ITCH: variants seen among roughly 807,000 people sequenced by gnomAD.
ITCH encodes E3 ubiquitin-protein ligase Itchy homolog.
ITCH carries 28 observed loss-of-function variants against 126.8 expected under a neutral mutation model. That is an observed-to-expected ratio of 0.22 (90% CI 0.16 to 0.30). The LOEUF (loss-of-function observed/expected upper bound fraction) is 0.30. Ranked by LOEUF, ITCH falls within the 10% of genes least tolerant of loss-of-function variation. ITCH has a pLI of 1.00. For missense variants in ITCH, 631 were observed against 1,032.4 expected (o/e 0.61, Z 5.33); for synonymous variants, 342 against 340.0 (o/e 1.01, Z -0.06).
intron 3 of ITCH, among the ~76,000 whole-genome samples, chr20:34,401,837 C>T (rs2038897156): frequency 6.6e-6 from 1 of 152,046 alleles, no homozygotes; most frequent in African/African-American, 2.4e-5. Flanking sequence ...TAGTCTGTTA[C>T]AGAGTCATCC....
intron 12 of ITCH, among the ~76,000 whole-genome samples, chr20:34,453,028 G>C (rs895132067): frequency 6.6e-6 from 1 of 152,114 alleles, no homozygotes; most frequent in African/African-American, 2.4e-5. Flanking sequence ...GTTTTTTACT[G>C]TTTTATTCAT....
intron 1 of ITCH, among the ~76,000 whole-genome samples, chr20:34,364,607 T>G (rs1277924018): frequency 6.6e-6 from 1 of 151,260 alleles, no homozygotes; most frequent in Non-Finnish European, 1.5e-5. Context: ...CCGGGTGCTG[T>G]GTGTGGCTCA....
chr20:34,363,289 G>C lies in ITCH; in HGVS notation c.-159G>C, dbSNP rs2037266585. ...ACTCGCTCTAGTAGCTGTGGTCGGG[G>C]CTCGGGACCGGCTGCCATCTTAGTC... On this transcript the variant is annotated 5_prime_UTR_variant, in exon 1 of 25. Transcript: ENST00000374864. 1 of 152,634 alleles carries C rather than the reference G, an allele frequency of 6.6e-6. No individual in the cohort carries two copies. Among genetic ancestry groups the C allele is most frequent in the African/African-American group, 2.4e-5 (1 of 41,472 alleles). The allele number at this position is 152,634 out of a possible 1,614,324, so 9.5% of individuals were successfully genotyped here.
Position 34,510,443 on chromosome 20 carries a change from ATTTTTTTTTTTT to A in ITCH, c.*2665_*2676del, listed in dbSNP as rs10598635. 1.3e-4 allele frequency: 8 copies of A among 63,226 alleles called. No individual in the cohort carries two copies. The highest frequency in any genetic ancestry group is 1.9e-4 in the Non-Finnish European group (7 of 36,452). 3.9% of individuals were successfully genotyped at this position (63,226 alleles called of 1,614,324 possible). A position where few individuals can be genotyped will look rare whatever the true frequency, so the allele number is the denominator to read the frequency against. ...TTGTAAATGCTAATAAATCCTGTTA[ATTTTTTTTTTTT>A]TTTTTTTTTTTTTTTACTGCATGTT... On this transcript the variant is annotated 3_prime_UTR_variant, in exon 25 of 25. Coordinates refer to ENST00000374864, the MANE Select transcript of ITCH (RefSeq NM_031483.7).
At chr20:34,428,900 G>C (rs1326666393) in intron 7 of ITCH, among the ~76,000 whole-genome samples, 1 of 152,200 alleles carries the variant, frequency 6.6e-6, no homozygotes, top group East Asian at 1.9e-4. Context: ...GGGGAACAAA[G>C]TTATAGTAGC....
chr20:34,490,751 C>T (rs1989452490), intron 22 of ITCH, among the ~76,000 whole-genome samples: 1 of 152,100 alleles, frequency 6.6e-6, no homozygotes. Context: ...TGTGAAATAC[C>T]ACACCACTGT....
chr20:34,470,947 A>G (rs920634016), intron 15 of ITCH, among the ~76,000 whole-genome samples: 2 of 152,346 alleles, frequency 1.3e-5, no homozygotes, highest in Non-Finnish European at 2.9e-5. Context: ...ACATGTTCAT[A>G]CATACATGAA....
chr20:34,380,731 A>G (rs2038028586), intron 2 of ITCH, among the ~76,000 whole-genome samples: 1 of 149,796 alleles, frequency 6.7e-6, no homozygotes, highest in Admixed American at 6.8e-5. Context: ...GATTACAGGC[A>G]TGAGCCACCG....
At chr20:34,499,934 C>G (rs1414697746) in intron 23 of ITCH, among the ~76,000 whole-genome samples, 1 of 151,834 alleles carries the variant, frequency 6.6e-6, no homozygotes, top group African/African-American at 2.4e-5. Context: ...TTTACATTTC[C>G]CCATTGGTCA....
Position 34,490,442 on chromosome 20 carries a change from G to A in ITCH, c.2319+516G>A, listed in dbSNP as rs148689756. 7.9e-3 allele frequency among the ~76,000 whole-genome samples: 1,199 copies of A among 152,154 alleles called. 15 individuals carry two copies. The highest frequency in any genetic ancestry group is 0.027 in the African/African-American group (1,141 of 41,522). ...TCCCAGCACTTTGGGAGGCTGAGGC[G>A]GGTGGATCACGACATCAGGAGATCA... is the stretch of plus-strand genomic sequence containing the variant. On this transcript the variant is annotated intron_variant, in intron 22 of 24. Coordinates refer to ENST00000374864, the MANE Select transcript of ITCH (RefSeq NM_031483.7).
intron 7 of ITCH, among the ~76,000 whole-genome samples, chr20:34,430,387 G>A (rs1405288422): frequency 6.6e-6 from 1 of 152,058 alleles, no homozygotes; most frequent in African/African-American, 2.4e-5. Flanking sequence ...AGATAGGTTG[G>A]GACCAGATGG....
At position 34,438,644 on chromosome 20, in the gene ITCH, G is replaced by A. The variant is rs770863146; in HGVS notation, c.679+13G>A. 6.2e-7 allele frequency: 1 copy of A among 1,613,448 alleles called. No individual in the cohort carries two copies. The highest frequency in any genetic ancestry group is 1.1e-5 in the South Asian group (1 of 91,048). ...CCACGTAGACCAGGTTTGTATTCCAGCTCTCAATACTCTTGGAAATAATGT... is the reference window on the plus strand; with the variant it reads ...CCACGTAGACCAGGTTTGTATTCCAACTCTCAATACTCTTGGAAATAATGT... On this transcript the variant is annotated intron_variant, in intron 8 of 24. Coordinates refer to ENST00000374864, the MANE Select transcript of ITCH (RefSeq NM_031483.7).
chr20:34,399,563 G>A (rs762535655), intron 3 of ITCH, among the ~76,000 whole-genome samples: 2 of 151,932 alleles, frequency 1.3e-5, no homozygotes, highest in Non-Finnish European at 2.9e-5. Flanking sequence ...AGGGTTGGCC[G>A]GGCATGGTGG....
intron 12 of ITCH, among the ~76,000 whole-genome samples, chr20:34,453,867 G>A (rs1985548593): frequency 6.6e-6 from 1 of 151,568 alleles, no homozygotes; most frequent in African/African-American, 2.4e-5. Flanking sequence ...GGTGGTGGAC[G>A]TCTGTAGTAC....
intron 7 of ITCH, among the ~76,000 whole-genome samples, chr20:34,438,190 C>A (rs1983266562): frequency 6.6e-6 from 1 of 152,158 alleles, no homozygotes; most frequent in Non-Finnish European, 1.5e-5. Flanking sequence ...CTTCTGAAGG[C>A]TTATTTGAAA....
intron 23 of ITCH, among the ~76,000 whole-genome samples, chr20:34,493,217 C>T (rs1211519666): frequency 6.6e-6 from 1 of 152,028 alleles, no homozygotes; most frequent in Non-Finnish European, 1.5e-5. Context: ...AGTTAAGATC[C>T]CAAAGCCTGC....
chr20:34,492,395 C>T (rs1489299508), intron 22 of ITCH, 106 bp from the exon 23 acceptor site: 1 of 740,204 alleles, frequency 1.4e-6, no homozygotes, highest in Non-Finnish European at 2.3e-6. Context: ...TGGGACACCT[C>T]ACCTCTAAAA....
At chr20:34,400,844 G>T (rs966050990) in intron 3 of ITCH, among the ~76,000 whole-genome samples, 3 of 151,638 alleles carry the variant, frequency 2.0e-5, no homozygotes, top group Non-Finnish European at 4.4e-5. Flanking sequence ...TGCAACCTCC[G>T]CCTCCCAGGT....
intron 13 of ITCH, among the ~76,000 whole-genome samples, chr20:34,460,335 T>C (rs1284347865): frequency 6.8e-6 from 1 of 146,858 alleles, no homozygotes; most frequent in Non-Finnish European, 1.5e-5. Flanking sequence ...ACTATAGGCA[T>C]GGGCCACCAC....
Sources: gnomAD v4.1 joint callset for allele counts (sites outside exome capture counted in the v4.1 genomes callset) on GRCh38, gnomAD v4.1.1 for gene constraint, MANE v1.5 for transcripts, NCBI Gene and HGNC (gene_info 2026-07-23, HGNC 2026-07-21) for gene names.